Variants in KIF13A observed in about 807,000 individuals in gnomAD.
The protein encoded by KIF13A is kinesin-like protein KIF13A.
Under a neutral mutation model 212.2 loss-of-function variants are expected in KIF13A, and 79 were observed. The observed-to-expected ratio is 0.37, with a 90% confidence interval of 0.31 to 0.45. The LOEUF (loss-of-function observed/expected upper bound fraction) is 0.45. Ranked by LOEUF, KIF13A falls within the 20% of genes least tolerant of loss-of-function variation. The probability of loss-of-function intolerance (pLI) is 1.00; values close to 1 mark genes in which losing one functional copy is unlikely to be tolerated. For synonymous variants in KIF13A, 789 were observed against 808.6 expected (o/e 0.98, Z 0.41); for missense variants, 1,901 against 2,209.0 (o/e 0.86, Z 2.79).
At position 17,987,175 on chromosome 6, in the gene KIF13A, G is replaced by T; in HGVS notation, c.56-31C>A. ...AGCAGAGAGAAAGGGACGTTGCAAA[G>T]TCCAGCATCCGCGCCTCCAGCCCGC... On this transcript the variant is annotated intron_variant, in intron 1 of 38. Coordinates refer to ENST00000259711, the MANE Select transcript of KIF13A (RefSeq NM_022113.6). This position sits in a 1 kb window ranked among gnomAD's most constrained non-coding sequence, Gnocchi z 7.7. 1 of 1,541,434 alleles carries T rather than the reference G, an allele frequency of 6.5e-7. No homozygotes were observed. Among genetic ancestry groups the T allele is most frequent in the Non-Finnish European group, 8.9e-7 (1 of 1,125,902 alleles).
intron 17 of KIF13A, chr6:17,812,631 A>G (rs555005650): frequency 1.1e-3 from 162 of 152,316 alleles, no homozygotes; most frequent in African/African-American, 3.7e-3. Context: ...TAGCACTGCA[A>G]TGAATATACA....
intron 20 of KIF13A, among the ~76,000 whole-genome samples, chr6:17,802,654 G>A (rs560286595): frequency 6.6e-5 from 10 of 152,084 alleles, no homozygotes; most frequent in African/African-American, 1.4e-4. Context: ...ATTTCAGGGG[G>A]ATTCATGGAA....
intron 2 of KIF13A, among the ~76,000 whole-genome samples, chr6:17,945,391 T>C (rs1256708214): frequency 6.6e-6 from 1 of 152,152 alleles, no homozygotes; most frequent in Non-Finnish European, 1.5e-5. Context: ...GAGGATTGTT[T>C]CTAGGGAGCT....
intron 25 of KIF13A, among the ~76,000 whole-genome samples, chr6:17,792,117 C>T (rs1019446983): frequency 6.7e-6 from 1 of 148,494 alleles, no homozygotes; most frequent in Non-Finnish European, 1.5e-5. Flanking sequence ...GCAGGAGAAT[C>T]GCTCGAACCC....
In KIF13A at chr6:17,794,606, T is replaced by C. The variant is rs201793412; in HGVS notation, c.3041A>G (p.Asp1014Gly). The change falls in exon 24 of 39, where the codon GAT becomes GGT. Residue 1014 changes from aspartate to glycine, a missense_variant. Physicochemically the swap from Asp to Gly is moderately conservative, Grantham distance 94. This residue lies in a region of KIF13A where 168 missense variants were observed against 250.9 expected (regional missense o/e 0.67). Coordinates refer to ENST00000259711, the MANE Select transcript of KIF13A (RefSeq NM_022113.6). This position sits in a 1 kb window ranked among gnomAD's most constrained non-coding sequence, Gnocchi z 4.1. ...YAAVELHQAKDVNTGGIFQLR... is the reference protein window; with the variant it reads ...YAAVELHQAKGVNTGGIFQLR... ...TTGAAAGATGCCTCCTGTGTTGACA[T>C]CTTTTGCCTGATGAAGTTCCACTGC... 9.2e-5 allele frequency: 149 copies of C among 1,613,146 alleles called. No homozygotes were observed. Among genetic ancestry groups the C allele is most frequent in the Non-Finnish European group, 8.8e-5 (104 of 1,179,698 alleles).
At chr6:17,830,621 G>T (rs1229083990) in intron 13 of KIF13A, among the ~76,000 whole-genome samples, 1 of 152,206 alleles carries the variant, frequency 6.6e-6, no homozygotes, top group Non-Finnish European at 1.5e-5. Flanking sequence ...ATTTCCTGAG[G>T]ATGTGGGTTT....
Position 17,799,851 on chromosome 6 carries a change from A to T in KIF13A, c.2616+101T>A. 7.3e-7 allele frequency: 1 copy of T among 1,378,254 alleles called. No individual in the cohort carries two copies. The highest frequency in any genetic ancestry group is 2.3e-5 in the East Asian group (1 of 43,596). 85.4% of individuals were successfully genotyped at this position (1,378,254 alleles called of 1,614,324 possible). On this transcript the variant is annotated intron_variant, in intron 21 of 38. Coordinates refer to ENST00000259711, the MANE Select transcript of KIF13A (RefSeq NM_022113.6). This position sits in a 1 kb window ranked among gnomAD's most constrained non-coding sequence, Gnocchi z 4.4. ...ACTGTATCTGCTGTTACAAAATCCA[A>T]CTTTTACTACCCTGGATGAAAAACT...
At chr6:17,803,137 T>C (rs1762621516) in intron 20 of KIF13A, among the ~76,000 whole-genome samples, 2 of 152,072 alleles carry the variant, frequency 1.3e-5, no homozygotes, top group African/African-American at 4.8e-5. Context: ...GGTTTCACCA[T>C]ATTGGCCAGG....
At chr6:17,864,199 G>A (rs952265196) in intron 4 of KIF13A, among the ~76,000 whole-genome samples, 4 of 152,148 alleles carry the variant, frequency 2.6e-5, no homozygotes, top group African/African-American at 4.8e-5. Context: ...CAGCAGAACC[G>A]ATGCCAAAAA....
chr6:17,917,152 T>C (rs1022412657), intron 2 of KIF13A, among the ~76,000 whole-genome samples: 2 of 152,022 alleles, frequency 1.3e-5, no homozygotes, highest in Non-Finnish European at 2.9e-5. Context: ...CAGAACACTT[T>C]ACTCACATAT....
intron 2 of KIF13A, among the ~76,000 whole-genome samples, chr6:17,916,142 C>G (rs942123553): frequency 6.6e-6 from 1 of 151,994 alleles, no homozygotes; most frequent in Non-Finnish European, 1.5e-5. Flanking sequence ...TAGTGGCAAG[C>G]GTTCATGGCA....
rs529217036 is a variant in KIF13A, at chr6:17,897,999, C to T, written c.159+169G>A. On this transcript the variant is annotated intron_variant, in intron 3 of 38. Coordinates refer to ENST00000259711, the MANE Select transcript of KIF13A (RefSeq NM_022113.6). The surrounding 1 kb of genome is among the most constrained non-coding windows in gnomAD (Gnocchi z 4.8). Reference sequence around the variant, plus strand: ...AGTGCTCTGTCAATGTAGAGTGACACTCTAACTTTATGTTAACACTGATAT... The same window carrying T: ...AGTGCTCTGTCAATGTAGAGTGACATTCTAACTTTATGTTAACACTGATAT... 6.6e-6 allele frequency among the ~76,000 whole-genome samples: 1 copy of T among 152,336 alleles called. No homozygotes were observed. The highest frequency in any genetic ancestry group is 1.9e-4 in the East Asian group (1 of 5,188).
rs529772933 is a variant in KIF13A, at chr6:17,956,432, T to A, written c.146+30622A>T. On this transcript the variant is annotated intron_variant, in intron 2 of 38. Coordinates refer to ENST00000259711, the MANE Select transcript of KIF13A (RefSeq NM_022113.6). ...CCTCCCTGATTAGCAGTCTTGTCCA[T>A]CATCTACTTTGTGCCTAGCACTGCA... 4.6e-5 allele frequency among the ~76,000 whole-genome samples: 7 copies of A among 152,318 alleles called. No individual in the cohort carries two copies. In the East Asian group the frequency reaches 1.4e-3, roughly 29 times the overall value.
In KIF13A at chr6:17,796,701, A is replaced by G. The variant is rs758503405; in HGVS notation, c.2910T>C (p.Ser970=). The G allele has an allele frequency of 5.1e-6, 8 of 1,581,016 alleles. No individual in the cohort carries two copies. Among genetic ancestry groups the G allele is most frequent in the Middle Eastern group, 1.7e-4 (1 of 6,000 alleles). The part of the protein sequence containing the change: ...GNGSSIWEVD[S]LHAKTRTLHD... ...GCAGTGTTCTTGTCTTAGCATGAAG[A>G]GAATCGACCTCCCAGATGGAGCTGC... The change falls in exon 23 of 39, where the codon TCT becomes TCC. Residue 970 remains serine, a synonymous_variant. Transcript: ENST00000259711.
chr6:17,975,692 G>T (rs1780360620), intron 2 of KIF13A, among the ~76,000 whole-genome samples: 1 of 152,172 alleles, frequency 6.6e-6, no homozygotes, highest in African/African-American at 2.4e-5. Context: ...GCGCTGATTG[G>T]TGCGTTTACA....
chr6:17,984,518 A>G lies in KIF13A; in HGVS notation c.146+2536T>C. The G allele has an allele frequency of 2.0e-6, 2 of 985,204 alleles. No homozygotes were observed. The highest frequency in any genetic ancestry group is 1.2e-6 in the Non-Finnish European group (1 of 829,748). 61.0% of individuals were successfully genotyped at this position (985,204 alleles called of 1,614,324 possible). A position where few individuals can be genotyped will look rare whatever the true frequency, so the allele number is the denominator to read the frequency against. On this transcript the variant is annotated intron_variant, in intron 2 of 38. Transcript: ENST00000259711. The surrounding 1 kb of genome is among the most constrained non-coding windows in gnomAD (Gnocchi z 5.0). ...AACCTCAGAGATCCTCTGATCTTTT[A>G]GTCCTAGCTACACAGTCTTGGCTTT...
chr6:17,959,477 A>G (rs753199449), intron 2 of KIF13A, among the ~76,000 whole-genome samples: 38 of 152,248 alleles, frequency 2.5e-4, no homozygotes, highest in African/African-American at 3.9e-4. Flanking sequence ...GTAGGAACAC[A>G]TAAGAGTCAA....
chr6:17,962,785 C>T (rs142723579), intron 2 of KIF13A, among the ~76,000 whole-genome samples: 2 of 150,110 alleles, frequency 1.3e-5, no homozygotes, highest in East Asian at 4.0e-4. Flanking sequence ...AGGTGTAACA[C>T]AGCCAATCTA....
chr6:17,902,841 C>T (rs922608575), intron 2 of KIF13A, among the ~76,000 whole-genome samples: 2 of 152,202 alleles, frequency 1.3e-5, no homozygotes, highest in African/African-American at 2.4e-5. Context: ...GGCCAGGTCA[C>T]GTGGTATATA....
Sources: gnomAD v4.1 joint callset for allele counts (sites outside exome capture counted in the v4.1 genomes callset) on GRCh38, gnomAD v4.1.1 for gene constraint, gnomAD v4.1.1 regional missense constraint, Gnocchi (gnomAD v3.1) non-coding constraint, MANE v1.5 for transcripts, NCBI Gene and HGNC (gene_info 2026-07-23, HGNC 2026-07-21) for gene names.